The following SCEL variants were observed in gnomAD, a reference collection of about 807,000 sequenced individuals.
SCEL encodes sciellin.
In SCEL, 113 loss-of-function variants were observed where a neutral mutation model predicts 117.6. The observed-to-expected ratio is 0.96, with a 90% CI of 0.83 to 1.12. The LOEUF (loss-of-function observed/expected upper bound fraction) is 1.12. SCEL is among the 50% of genes most tolerant of loss of function. SCEL has a pLI of 0.00. For synonymous variants in SCEL, 270 were observed against 256.2 expected (o/e 1.05, Z -0.51); for missense variants, 785 against 810.8 (o/e 0.97, Z 0.39).
intron 27 of SCEL, among the ~76,000 whole-genome samples, chr13:77,622,600 A>C (rs1328285516): frequency 2.9e-4 from 44 of 152,190 alleles, no homozygotes; most frequent in Admixed American, 2.8e-3. Flanking sequence ...TAGGCCAGGT[A>C]CCTGTAATTC....
intron 1 of SCEL, among the ~76,000 whole-genome samples, chr13:77,554,575 C>T (rs2084539932): frequency 1.3e-5 from 2 of 152,178 alleles, no homozygotes; most frequent in African/African-American, 4.8e-5. Flanking sequence ...TTTAGAACCC[C>T]AAATTATAGC....
At chr13:77,574,794 C>T (rs960955605) in intron 9 of SCEL, among the ~76,000 whole-genome samples, 7 of 152,190 alleles carry the variant, frequency 4.6e-5, no homozygotes, top group African/African-American at 1.2e-4. Context: ...TGATTGATAA[C>T]ACTAGCTAAT....
chr13:77,602,147 T>C, intron 16 of SCEL, 23 bp downstream of exon 16: 1 of 1,589,510 alleles, frequency 6.3e-7, no homozygotes, highest in Non-Finnish European at 8.6e-7. Flanking sequence ...CCTACCTTGA[T>C]GGAGCTCTTT....
intron 4 of SCEL, among the ~76,000 whole-genome samples, chr13:77,562,045 C>G (rs2085010913): frequency 1.3e-5 from 2 of 152,170 alleles, no homozygotes; most frequent in Admixed American, 1.3e-4. Context: ...TCTGGTAGAT[C>G]ATTTAAACAT....
chr13:77,549,948 G>A (rs1289412277), intron 1 of SCEL, among the ~76,000 whole-genome samples: 3 of 151,880 alleles, frequency 2.0e-5, no homozygotes, highest in Non-Finnish European at 4.4e-5. Flanking sequence ...AAAACCGCAC[G>A]GGCCATATAA....
intron 1 of SCEL, among the ~76,000 whole-genome samples, chr13:77,554,985 T>G (rs909011294): frequency 6.6e-6 from 1 of 152,062 alleles, no homozygotes; most frequent in Admixed American, 6.5e-5. Flanking sequence ...CCCAATATAT[T>G]TATGATCCAC....
chr13:77,623,194 C>G (rs907218531), intron 27 of SCEL, among the ~76,000 whole-genome samples: 2 of 152,174 alleles, frequency 1.3e-5, no homozygotes, highest in African/African-American at 2.4e-5. Context: ...TTATTTTTAT[C>G]TCCTTTAACT....
Position 77,603,112 on chromosome 13 carries a change from C to T in SCEL, c.1074C>T (p.Pro358=). The change falls in exon 18 of 33, where the codon CCC becomes CCT. Residue 358 remains proline, a synonymous_variant. Coordinates refer to ENST00000349847, the MANE Select transcript of SCEL (RefSeq NM_144777.3). ...EDLDNATEVN[P]KGHENTTGKK... ...TTGATAATGCTACTGAAGTAAATCCCAAAGGACATGAAAATACCACTGGGT... is the reference window on the plus strand; with the variant it reads ...TTGATAATGCTACTGAAGTAAATCCTAAAGGACATGAAAATACCACTGGGT... 6.4e-7 allele frequency: 1 copy of T among 1,564,824 alleles called. No homozygotes were observed. Among genetic ancestry groups the T allele is most frequent in the African/African-American group, 1.4e-5 (1 of 73,070 alleles).
chr13:77,584,753 C>T (rs1229163287), intron 9 of SCEL, among the ~76,000 whole-genome samples: 2 of 152,144 alleles, frequency 1.3e-5, no homozygotes, highest in African/African-American at 4.8e-5. Context: ...CACCTCCTTC[C>T]CCCTTTCCTC....
chr13:77,637,184 A>G lies in SCEL; in HGVS notation c.1828A>G (p.Thr610Ala). 2 of 1,542,858 alleles carry G rather than the reference A, an allele frequency of 1.3e-6. No homozygotes were observed. Among genetic ancestry groups the G allele is most frequent in the Non-Finnish European group, 1.8e-6 (2 of 1,140,404 alleles). ...SGKYIQTVYSTSDRSVIERDM... is the reference protein window; with the variant it reads ...SGKYIQTVYSASDRSVIERDM... ...AAAATACATACAAACTGTTTATTCA[A>G]CTTCTGATAGGTGAGTATGTCTTTA... Residue 610 changes from threonine to alanine, a missense_variant, in exon 30 of 33, where the codon ACT becomes GCT. Thr to Ala is a moderately conservative substitution (Grantham distance 58). Coordinates refer to ENST00000349847, the MANE Select transcript of SCEL (RefSeq NM_144777.3).
At chr13:77,592,139 T>C (rs1277274161) in intron 11 of SCEL, among the ~76,000 whole-genome samples, 2 of 152,242 alleles carry the variant, frequency 1.3e-5, no homozygotes, top group Admixed American at 1.3e-4. Flanking sequence ...AAAATTACTT[T>C]GAAGTTTAAA....
intron 29 of SCEL, 77 bp downstream of exon 29, chr13:77,634,527 T>C: frequency 1.0e-6 from 1 of 984,336 alleles, no homozygotes; most frequent in South Asian, 1.5e-5. Flanking sequence ...GAGATGCTAT[T>C]GTTTTAGAGT....
intron 27 of SCEL, among the ~76,000 whole-genome samples, chr13:77,619,133 G>A (rs1412507181): frequency 6.6e-6 from 1 of 152,090 alleles, no homozygotes; most frequent in East Asian, 1.9e-4. Context: ...AGGACAAAAA[G>A]AAATTAACAT....
intron 30 of SCEL, among the ~76,000 whole-genome samples, chr13:77,639,678 T>TA (rs1414533669): frequency 2.6e-5 from 4 of 152,304 alleles, no homozygotes; most frequent in Admixed American, 2.6e-4. Context: ...AAAATGATGA[T>TA]AAAAATAATA....
chr13:77,605,101 T>A (rs2088045896), intron 19 of SCEL, among the ~76,000 whole-genome samples: 1 of 152,216 alleles, frequency 6.6e-6, no homozygotes, highest in Non-Finnish European at 1.5e-5. Flanking sequence ...ATAAGGCAGA[T>A]GGAATATTTT....
Position 77,572,181 on chromosome 13 carries a change from C to A in SCEL, c.537C>A (p.Thr179=). ...PGYNASSSTG[T]RRREPGVHPP... is the part of the protein sequence containing the mutation. ...ACAATGCCTCCTCGAGCACAGGAAC[C>A]AGGAGACGGTAAGGGAAAGGTGTCA... Residue 179 remains threonine, a synonymous_variant, in exon 9 of 33, where the codon ACC becomes ACA. Coordinates refer to ENST00000349847, the MANE Select transcript of SCEL (RefSeq NM_144777.3). 1 of 1,611,208 alleles carries A rather than the reference C, an allele frequency of 6.2e-7. No individual in the cohort carries two copies. The highest frequency in any genetic ancestry group is 8.5e-7 in the Non-Finnish European group (1 of 1,178,310).
intron 21 of SCEL, among the ~76,000 whole-genome samples, chr13:77,609,821 C>T (rs2088504376): frequency 6.6e-6 from 1 of 152,136 alleles, no homozygotes; most frequent in Admixed American, 6.5e-5. Flanking sequence ...TGGCCTGGGA[C>T]ATCAAACATT....
At chr13:77,624,686 G>T (rs1225193085) in intron 27 of SCEL, among the ~76,000 whole-genome samples, 1 of 152,216 alleles carries the variant, frequency 6.6e-6, no homozygotes, top group Non-Finnish European at 1.5e-5. Context: ...CAGGGGTGAA[G>T]TAAGGCAGGT....
chr13:77,631,020 T>C (rs2329034), intron 28 of SCEL, among the ~76,000 whole-genome samples: 140,317 of 152,232 alleles, frequency 0.92, 64,723 homozygotes, highest in South Asian at 0.97. Flanking sequence ...CTAGGGACTA[T>C]ACTTTGAGAA....
Sources: allele counts gnomAD v4.1 joint callset (sites outside exome capture counted in the v4.1 genomes callset), GRCh38; gene constraint gnomAD v4.1.1; transcripts MANE v1.5; gene names NCBI Gene and HGNC (gene_info 2026-07-23, HGNC 2026-07-21).